Variants in YY1 observed in about 807,000 individuals in gnomAD.
YY1 encodes the protein transcriptional repressor protein YY1.
Under a neutral mutation model 35.6 loss-of-function variants are expected in YY1, and 2 were observed. The ratio of observed to expected loss-of-function variants is 0.06; its 90% CI spans 0.02 to 0.18. The LOEUF is 0.18. Among genes scored for constraint, YY1 ranks in the 10% least tolerant of loss-of-function variants. The probability of loss-of-function intolerance (pLI) is 1.00; values close to 1 mark genes in which losing one functional copy is unlikely to be tolerated. For synonymous variants in YY1, 268 were observed against 238.9 expected (o/e 1.12, Z -1.12); for missense variants, 322 against 573.4 (o/e 0.56, Z 4.48).
chr14:100,276,317 TG>T lies in YY1; in HGVS notation c.904-172del. On this transcript the variant is annotated intron_variant, in intron 3 of 4. Transcript: ENST00000262238. The surrounding 1 kb of genome is among the most constrained non-coding windows in gnomAD (Gnocchi z 4.1). ...TGCATTGAATGATGACTTTTTCAGCTGTCTGCTTTTTGTCTTAAATGATATT... is the reference window on the plus strand; with the variant it reads ...TGCATTGAATGATGACTTTTTCAGCTTCTGCTTTTTGTCTTAAATGATATT... 1.2e-6 allele frequency: 1 copy of T among 846,320 alleles called. No individual in the cohort carries two copies. Among genetic ancestry groups the T allele is most frequent in the East Asian group, 2.7e-5 (1 of 36,710 alleles). 52.4% of individuals were successfully genotyped at this position (846,320 alleles called of 1,614,324 possible). A position where few individuals can be genotyped will look rare whatever the true frequency, so the allele number is the denominator to read the frequency against.
intron 2 of YY1, among the ~76,000 whole-genome samples, chr14:100,272,073 G>A (rs1249776377): frequency 6.6e-6 from 1 of 151,884 alleles, no homozygotes; most frequent in Admixed American, 6.6e-5. Flanking sequence ...TGGGTGGGCG[G>A]ATCACGAGGT....
At chr14:100,262,172 A>T in intron 1 of YY1, 132 bp from the exon 2 acceptor site, 1 of 971,682 alleles carries the variant, frequency 1.0e-6, no homozygotes, top group Non-Finnish European at 1.5e-6. Flanking sequence ...CAAAAAAAAA[A>T]AAGGGAGAGG....
intron 1 of YY1, among the ~76,000 whole-genome samples, chr14:100,240,388 C>A (rs1357602878): frequency 6.6e-6 from 1 of 150,666 alleles, no homozygotes; most frequent in Non-Finnish European, 1.5e-5. Context: ...GGACGCGCGC[C>A]CCCGCCCCCG....
chr14:100,260,616 G>A (rs1040683233), intron 1 of YY1, among the ~76,000 whole-genome samples: 1 of 150,976 alleles, frequency 6.6e-6, no homozygotes. Flanking sequence ...AGGACTACAG[G>A]TGCCCGCCAC....
chr14:100,277,637 A>T lies in YY1; in HGVS notation c.*37A>T. 2 of 1,602,636 alleles carry T rather than the reference A, an allele frequency of 1.2e-6. No individual in the cohort carries two copies. Among genetic ancestry groups the T allele is most frequent in the Non-Finnish European group, 1.7e-6 (2 of 1,170,398 alleles). On this transcript the variant is annotated 3_prime_UTR_variant, in exon 5 of 5. Coordinates refer to ENST00000262238, the MANE Select transcript of YY1 (RefSeq NM_003403.5). The surrounding 1 kb of genome is among the most constrained non-coding windows in gnomAD (Gnocchi z 5.6). ...AAGACCCTTCTCGACCACGGGAAGC[A>T]TCTTCCAGAAGTGTGATTGGGAATA...
At chr14:100,274,550 G>C (rs1316165522) in intron 2 of YY1, 148 bp from the exon 3 acceptor site, 17 of 683,148 alleles carry the variant, frequency 2.5e-5, no homozygotes, top group Non-Finnish European at 3.4e-5. Flanking sequence ...GTGAATGCAA[G>C]TTGTCTCATC....
chr14:100,266,162 A>G (rs921127087), intron 2 of YY1, among the ~76,000 whole-genome samples: 1 of 152,136 alleles, frequency 6.6e-6, no homozygotes, highest in African/African-American at 2.4e-5. Context: ...CCCATGATTC[A>G]GTTACCTCCC....
chr14:100,254,776 T>TA (rs1555369764), intron 1 of YY1, among the ~76,000 whole-genome samples: 5 of 135,152 alleles, frequency 3.7e-5, no homozygotes, highest in African/African-American at 1.5e-4. Flanking sequence ...TATTTATTTA[T>TA]TTTTTTTTTT....
chr14:100,243,142 A>C (rs185819674), intron 1 of YY1, among the ~76,000 whole-genome samples: 1 of 152,328 alleles, frequency 6.6e-6, no homozygotes, highest in African/African-American at 2.4e-5. Flanking sequence ...TGAAATTCTG[A>C]AGGTGATTTC....
intron 1 of YY1, among the ~76,000 whole-genome samples, chr14:100,261,200 G>GT (rs1383942417): frequency 3.3e-5 from 5 of 151,642 alleles, no homozygotes; most frequent in Admixed American, 1.3e-4. Flanking sequence ...TTTTTGCTTT[G>GT]TTTTTTTGAG....
At chr14:100,268,041 C>T (rs1460535730) in intron 2 of YY1, among the ~76,000 whole-genome samples, 1 of 152,208 alleles carries the variant, frequency 6.6e-6, no homozygotes, top group Non-Finnish European at 1.5e-5. Context: ...GTTTTAAACT[C>T]TTGGGGGCCA....
chr14:100,271,075 G>T (rs1480803569), intron 2 of YY1, among the ~76,000 whole-genome samples: 2 of 152,026 alleles, frequency 1.3e-5, no homozygotes, highest in African/African-American at 4.8e-5. Context: ...AAGAAACCCC[G>T]TCTCTGCTAA....
intron 1 of YY1, among the ~76,000 whole-genome samples, chr14:100,248,441 A>G (rs1890869224): frequency 6.6e-6 from 1 of 151,986 alleles, no homozygotes; most frequent in African/African-American, 2.4e-5. Context: ...TCTTAAAGCA[A>G]GAGTCTTCCA....
rs750732827 is a variant in YY1 at position 100,282,788 on chromosome 14, T to C, written c.*5188T>C. The C allele has an allele frequency of 2.0e-5, 3 of 152,238 alleles. No individual in the cohort carries two copies. Among genetic ancestry groups the C allele is most frequent in the Non-Finnish European group, 2.9e-5 (2 of 68,040 alleles). 9.4% of individuals were successfully genotyped at this position (152,238 alleles called of 1,614,324 possible). On this transcript the variant is annotated 3_prime_UTR_variant, in exon 5 of 5. Coordinates refer to ENST00000262238, the MANE Select transcript of YY1 (RefSeq NM_003403.5). ...ATAATAAATGCATAATGTTAAGCTT[T>C]TTAATGCCTGTGGTTCTTGTTTGTT... is the stretch of plus-strand genomic sequence containing the variant.
intron 2 of YY1, chr14:100,265,468 C>G (rs1418612506): frequency 1.3e-5 from 2 of 152,144 alleles, no homozygotes; most frequent in East Asian, 3.9e-4. Flanking sequence ...CAGTTGGGGG[C>G]AGGGGGGAGG....
chr14:100,258,076 G>T (rs1595322607), intron 1 of YY1, among the ~76,000 whole-genome samples: 1 of 151,958 alleles, frequency 6.6e-6, no homozygotes, highest in East Asian at 1.9e-4. Flanking sequence ...AGGCTGCAGT[G>T]AGCCATGATT....
intron 1 of YY1, among the ~76,000 whole-genome samples, chr14:100,241,681 A>C (rs1265188017): frequency 6.6e-6 from 1 of 152,212 alleles, no homozygotes; most frequent in Non-Finnish European, 1.5e-5. Context: ...TGGAACTAAA[A>C]GTCATGGTTT....
intron 1 of YY1, among the ~76,000 whole-genome samples, chr14:100,240,300 C>T (rs1890712837): frequency 1.4e-5 from 2 of 146,438 alleles, no homozygotes; most frequent in African/African-American, 4.9e-5. Flanking sequence ...CAGCTGCGCG[C>T]CCCCGGCCCG....
rs1891355565 is a variant in YY1, at chr14:100,278,308, T to G, written c.*708T>G. The G allele has an allele frequency of 6.6e-6, 1 of 152,664 alleles. No individual in the cohort carries two copies. The highest frequency in any genetic ancestry group is 1.5e-5 in the Non-Finnish European group (1 of 68,130). 9.5% of individuals were successfully genotyped at this position (152,664 alleles called of 1,614,324 possible). A position where few individuals can be genotyped will look rare whatever the true frequency, so the allele number is the denominator to read the frequency against. ...TAAACCCATTTTAGTCACTTTTTTT[T>G]TCCAAAAAAATACTGCCAGATGCTG... On this transcript the variant is annotated 3_prime_UTR_variant, in exon 5 of 5. Coordinates refer to ENST00000262238, the MANE Select transcript of YY1 (RefSeq NM_003403.5).
Sources: gnomAD v4.1 joint callset for allele counts (sites outside exome capture counted in the v4.1 genomes callset) on GRCh38, gnomAD v4.1.1 for gene constraint, Gnocchi (gnomAD v3.1) non-coding constraint, MANE v1.5 for transcripts, NCBI Gene and HGNC (gene_info 2026-07-23, HGNC 2026-07-21) for gene names.